Variants in FBXL7 observed in about 807,000 individuals in gnomAD.
FBXL7 encodes F-box and leucine rich repeat protein 7.
FBXL7 carries 12 observed loss-of-function variants against 38.3 expected under a neutral mutation model. The observed-to-expected ratio is 0.31, with a 90% CI of 0.20 to 0.51. FBXL7 has a LOEUF of 0.51. Ranked by LOEUF, FBXL7 falls within the 20% of genes least tolerant of loss-of-function variation. FBXL7 has a pLI of 0.98. For synonymous variants in FBXL7, 297 were observed against 300.9 expected (o/e 0.99, Z 0.13); for missense variants, 567 against 676.4 (o/e 0.84, Z 1.79).
In FBXL7 at chr5:15,501,634, A is replaced by G. The variant is rs1205731645; in HGVS notation, c.37+921A>G. On this transcript the variant is annotated intron_variant, in intron 1 of 3. Transcript: ENST00000504595. ...ACAAAGGAGGGGCCAGCGCTTGCAGACTGGTAGGAATGCAGGCTAGCTATT... is the reference window on the plus strand; with the variant it reads ...ACAAAGGAGGGGCCAGCGCTTGCAGGCTGGTAGGAATGCAGGCTAGCTATT... 3 of 985,476 alleles carry G rather than the reference A, an allele frequency of 3.0e-6. No homozygotes were observed. The South Asian group carries it at 1.4e-4, about 46-fold the overall frequency. The allele number at this position is 985,476 out of a possible 1,614,324, so 61.0% of individuals were successfully genotyped here.
chr5:15,778,595 A>G (rs1011211175), intron 2 of FBXL7, among the ~76,000 whole-genome samples: 1 of 152,030 alleles, frequency 6.6e-6, no homozygotes, highest in African/African-American at 2.4e-5. Flanking sequence ...GCATTGATTC[A>G]CCACTCTTTC....
intron 1 of FBXL7, among the ~76,000 whole-genome samples, chr5:15,611,609 CTG>C (rs146100098): frequency 0.031 from 4,737 of 152,152 alleles, 243 homozygotes; most frequent in African/African-American, 0.11. Context: ...GAACCTAACT[CTG>C]TTTCCCTTTG....
chr5:15,516,114 G>A (rs925268345), intron 1 of FBXL7, among the ~76,000 whole-genome samples: 5 of 151,810 alleles, frequency 3.3e-5, no homozygotes, highest in Admixed American at 1.3e-4. Flanking sequence ...TTGATACACC[G>A]AGTACTTTGT....
At chr5:15,917,650 GA>G (rs1243271255) in intron 2 of FBXL7, among the ~76,000 whole-genome samples, 15 of 55,050 alleles carry the variant, frequency 2.7e-4, no homozygotes, top group African/African-American at 1.3e-3. Context: ...GGGAGGGAAG[GA>G]AGGAAGGAAG....
At chr5:15,775,454 T>G (rs1388422566) in intron 2 of FBXL7, among the ~76,000 whole-genome samples, 1 of 152,194 alleles carries the variant, frequency 6.6e-6, no homozygotes, top group Non-Finnish European at 1.5e-5. Context: ...TGCCATTTCA[T>G]TAATTTCTCC....
chr5:15,658,801 A>C (rs1021015983), intron 2 of FBXL7, among the ~76,000 whole-genome samples: 3 of 152,190 alleles, frequency 2.0e-5, no homozygotes, highest in South Asian at 2.1e-4. Flanking sequence ...ATCTATAGAT[A>C]ACACAAGGAG....
intron 2 of FBXL7, among the ~76,000 whole-genome samples, chr5:15,781,679 T>A (rs895063142): frequency 6.6e-6 from 1 of 152,124 alleles, no homozygotes; most frequent in African/African-American, 2.4e-5. Context: ...TTGATTTTTT[T>A]AATAAAAAGT....
At chr5:15,753,168 G>A (rs989799347) in intron 2 of FBXL7, among the ~76,000 whole-genome samples, 2 of 152,002 alleles carry the variant, frequency 1.3e-5, no homozygotes, top group African/African-American at 4.8e-5. Context: ...CGCTCTCTAG[G>A]ACACACTCTC....
At chr5:15,604,115 C>T (rs1206752149) in intron 1 of FBXL7, among the ~76,000 whole-genome samples, 3 of 151,972 alleles carry the variant, frequency 2.0e-5, no homozygotes, top group East Asian at 1.9e-4. Flanking sequence ...TGCAGTGAGG[C>T]GAGATCATAC....
intron 2 of FBXL7, among the ~76,000 whole-genome samples, chr5:15,839,820 C>T (rs1738695298): frequency 6.6e-6 from 1 of 152,044 alleles, no homozygotes; most frequent in Non-Finnish European, 1.5e-5. Flanking sequence ...TCTCCCAATG[C>T]TCAAGTAGAT....
intron 2 of FBXL7, among the ~76,000 whole-genome samples, chr5:15,915,845 T>G (rs563169172): frequency 6.6e-6 from 1 of 152,096 alleles, no homozygotes; most frequent in South Asian, 2.1e-4. Flanking sequence ...AGATGAGAGA[T>G]GATGAGCACT....
At chr5:15,611,589 A>C (rs1580405112) in intron 1 of FBXL7, among the ~76,000 whole-genome samples, 2 of 151,820 alleles carry the variant, frequency 1.3e-5, no homozygotes, top group African/African-American at 2.4e-5. Context: ...TTGTGAGCAG[A>C]GGCTCTCAGG....
chr5:15,640,233 G>C (rs1393381854), intron 2 of FBXL7, among the ~76,000 whole-genome samples: 1 of 152,110 alleles, frequency 6.6e-6, no homozygotes, highest in South Asian at 2.1e-4. Flanking sequence ...TTCCCTTTGA[G>C]GATCTGTAGG....
At chr5:15,815,180 T>A (rs1245209711) in intron 2 of FBXL7, among the ~76,000 whole-genome samples, 6 of 152,198 alleles carry the variant, frequency 3.9e-5, no homozygotes, top group Non-Finnish European at 8.8e-5. Context: ...TATTTCTCTT[T>A]CTCTGTAACT....
Position 15,936,405 on chromosome 5 carries a change from C to T in FBXL7, c.740-45C>T, listed in dbSNP as rs1488985773. On this transcript the variant is annotated intron_variant, in intron 3 of 3. Transcript: ENST00000504595. This position sits in a 1 kb window ranked among gnomAD's most constrained non-coding sequence, Gnocchi z 6.0. ...CAGGGCATCCCCAGGCGTGGCTCCC[C>T]TGCTGGCAGGTTGCTCTGAGCCTGT... 62 of 1,581,492 alleles carry T rather than the reference C, an allele frequency of 3.9e-5. No individual in the cohort carries two copies. The highest frequency in any genetic ancestry group is 5.2e-5 in the Non-Finnish European group (60 of 1,163,636).
intron 1 of FBXL7, among the ~76,000 whole-genome samples, chr5:15,558,272 G>T (rs1738311783): frequency 6.6e-6 from 1 of 152,188 alleles, no homozygotes; most frequent in Non-Finnish European, 1.5e-5. Flanking sequence ...CAGGGCCTTA[G>T]CTGTTCTCCT....
intron 2 of FBXL7, among the ~76,000 whole-genome samples, chr5:15,731,568 A>G (rs1735585454): frequency 6.6e-6 from 1 of 152,120 alleles, no homozygotes; most frequent in South Asian, 2.1e-4. Flanking sequence ...AAGAAAAGAA[A>G]AAGGGAAATA....
intron 2 of FBXL7, among the ~76,000 whole-genome samples, chr5:15,780,390 A>G (rs943695527): frequency 6.6e-6 from 1 of 152,082 alleles, no homozygotes; most frequent in African/African-American, 2.4e-5. Flanking sequence ...AGCTGATCAA[A>G]CTCCACCAAG....
chr5:15,648,281 AT>A lies in FBXL7; in HGVS notation c.127+32214del, dbSNP rs1246271662. Among the ~76,000 whole-genome samples the A allele has an allele frequency of 3.9e-5, 6 of 152,170 alleles. No homozygotes were observed. In the East Asian group the frequency reaches 7.7e-4, roughly 20 times the overall value. ...GGTGTCTTCTTAAACCTTATGCCTC[AT>A]TTTTAATTTACATGTGAGTTGGAAG... On this transcript the variant is annotated intron_variant, in intron 2 of 3. Coordinates refer to ENST00000504595, the MANE Select transcript of FBXL7 (RefSeq NM_012304.5).
Sources: allele counts gnomAD v4.1 joint callset (sites outside exome capture counted in the v4.1 genomes callset), GRCh38; gene constraint gnomAD v4.1.1; non-coding constraint Gnocchi (gnomAD v3.1); transcripts MANE v1.5; gene names NCBI Gene and HGNC (gene_info 2026-07-23, HGNC 2026-07-21).